NPAS3: variants seen among roughly 807,000 people sequenced by gnomAD.
NPAS3 encodes the protein neuronal PAS domain-containing protein 3.
A neutral mutation model predicts 73.1 loss-of-function variants in NPAS3; 14 were observed. That is an observed-to-expected ratio of 0.19 (90% CI 0.13 to 0.30). The LOEUF (loss-of-function observed/expected upper bound fraction) is 0.30, where lower values mean the gene tolerates loss of function less well. Among genes scored for constraint, NPAS3 ranks in the 10% least tolerant of loss-of-function variants. The pLI is 1.00. For synonymous variants in NPAS3, 620 were observed against 541.5 expected, an observed-to-expected ratio of 1.14 and a Z score of -2.01; for missense variants, 1,096 against 1,250.0, an observed-to-expected ratio of 0.88 and a Z score of 1.86.
At chr14:33,746,420 CTCA>C (rs1273067868) in intron 7 of NPAS3, among the ~76,000 whole-genome samples, 1 of 151,600 alleles carries the variant, frequency 6.6e-6, no homozygotes, top group African/African-American at 2.4e-5. Flanking sequence ...AACTCCTGAC[CTCA>C]TGATCCGCCC....
chr14:33,197,521 T>G (rs4981180), intron 2 of NPAS3, among the ~76,000 whole-genome samples: 2 of 151,636 alleles, frequency 1.3e-5, no homozygotes, highest in Non-Finnish European at 2.9e-5. Flanking sequence ...GAGCATATTG[T>G]CAGAAAAAAA....
chr14:33,216,956 T>A (rs2047245766), intron 3 of NPAS3, among the ~76,000 whole-genome samples: 1 of 152,010 alleles, frequency 6.6e-6, no homozygotes, highest in South Asian at 2.1e-4. Context: ...CACCAATTCA[T>A]GTTCTAGATT....
intron 2 of NPAS3, among the ~76,000 whole-genome samples, chr14:33,068,820 A>G (rs1374077527): frequency 6.6e-6 from 1 of 152,174 alleles, no homozygotes; most frequent in Non-Finnish European, 1.5e-5. Context: ...GACAACCACT[A>G]CAAAGGCGCT....
chr14:33,111,758 C>G (rs1413834910), intron 2 of NPAS3, among the ~76,000 whole-genome samples: 1 of 151,354 alleles, frequency 6.6e-6, no homozygotes, highest in African/African-American at 2.4e-5. Context: ...GTGTGTTGCA[C>G]CCGTTAACTC....
At chr14:33,613,175 A>AT (rs2057803742) in intron 5 of NPAS3, among the ~76,000 whole-genome samples, 1 of 152,176 alleles carries the variant, frequency 6.6e-6, no homozygotes, top group Non-Finnish European at 1.5e-5. Flanking sequence ...CACACAGCTC[A>AT]TCAAATGGGC....
intron 1 of NPAS3, among the ~76,000 whole-genome samples, chr14:33,055,037 G>A (rs980072933): frequency 4.6e-5 from 7 of 152,180 alleles, no homozygotes; most frequent in African/African-American, 7.2e-5. Flanking sequence ...GTATTAGAGC[G>A]AAAGGATTGG....
At chr14:33,454,539 G>A (rs1446424575) in intron 4 of NPAS3, among the ~76,000 whole-genome samples, 1 of 152,166 alleles carries the variant, frequency 6.6e-6, no homozygotes, top group Non-Finnish European at 1.5e-5. Context: ...AGTGTTGGTG[G>A]TTATTGTTGT....
chr14:33,258,899 C>T (rs368203561), intron 3 of NPAS3, among the ~76,000 whole-genome samples: 16 of 152,226 alleles, frequency 1.1e-4, no homozygotes, highest in African/African-American at 2.6e-4. Flanking sequence ...CTGCAAGCTC[C>T]GCCTCCCGGG....
intron 2 of NPAS3, among the ~76,000 whole-genome samples, chr14:33,086,159 T>C (rs1441712874): frequency 6.6e-6 from 1 of 152,198 alleles, no homozygotes; most frequent in Non-Finnish European, 1.5e-5. Flanking sequence ...TAATGGGCAT[T>C]GGAAGCTTTA....
At chr14:33,534,399 T>C (rs2054172268) in intron 4 of NPAS3, among the ~76,000 whole-genome samples, 3 of 152,088 alleles carry the variant, frequency 2.0e-5, no homozygotes, top group South Asian at 2.1e-4. Flanking sequence ...TTTCTTTACA[T>C]TGGGAGTCAG....
chr14:33,260,231 G>A (rs777792317), intron 3 of NPAS3, among the ~76,000 whole-genome samples: 7 of 152,050 alleles, frequency 4.6e-5, no homozygotes, highest in Admixed American at 1.3e-4. Flanking sequence ...CCTTGATAGA[G>A]TAAACTTAGA....
At chr14:33,355,426 A>G (rs12893977) in intron 3 of NPAS3, among the ~76,000 whole-genome samples, 58,116 of 151,794 alleles carry the variant, frequency 0.38, 11,313 homozygotes, top group Admixed American at 0.46. Flanking sequence ...TCAGCCTCCC[A>G]AGTAGCCGGG....
chr14:33,257,079 C>A lies in NPAS3; in HGVS notation c.385+41653C>A, dbSNP rs371668672. The stretch of plus-strand genomic sequence containing the variant: ...ACTCCTGGTTAGCTGACTTTCTTTC[C>A]CACTGGGCGCCACTCCCAGACATGA... On this transcript the variant is annotated intron_variant, in intron 3 of 11. Transcript: ENST00000356141. Among the ~76,000 whole-genome samples the A allele has an allele frequency of 2.6e-5, 4 of 152,228 alleles. No homozygotes were observed. The South Asian group carries it at 8.3e-4, about 32-fold the overall frequency.
At chr14:33,686,436 A>G (rs2060090995) in intron 6 of NPAS3, among the ~76,000 whole-genome samples, 1 of 152,240 alleles carries the variant, frequency 6.6e-6, no homozygotes, top group Admixed American at 6.5e-5. Context: ...AAAAAAGTTT[A>G]GAAGGAACCT....
At chr14:33,006,402 AAGG>A (rs1157308725) in intron 1 of NPAS3, among the ~76,000 whole-genome samples, 1 of 152,104 alleles carries the variant, frequency 6.6e-6, no homozygotes, top group Admixed American at 6.5e-5. Context: ...CGGTAGAGAA[AAGG>A]ATTTATTTTT....
intron 3 of NPAS3, among the ~76,000 whole-genome samples, chr14:33,315,160 T>C (rs1018679175): frequency 1.3e-5 from 2 of 151,948 alleles, no homozygotes; most frequent in Admixed American, 6.6e-5. Context: ...GTAAGGAAAA[T>C]GACATCTATG....
At chr14:32,946,366 A>G (rs1381001654) in intron 1 of NPAS3, among the ~76,000 whole-genome samples, 2 of 151,494 alleles carry the variant, frequency 1.3e-5, no homozygotes, top group Non-Finnish European at 2.9e-5. Flanking sequence ...ACACACACAC[A>G]CACACACACA....
intron 4 of NPAS3, among the ~76,000 whole-genome samples, chr14:33,408,699 A>G (rs1383854044): frequency 6.6e-6 from 1 of 152,316 alleles, no homozygotes; most frequent in East Asian, 1.9e-4. Flanking sequence ...GCACTGTCCC[A>G]TACGAACTGC....
intron 1 of NPAS3, among the ~76,000 whole-genome samples, chr14:32,945,015 C>T (rs2036194344): frequency 1.3e-5 from 2 of 152,184 alleles, no homozygotes; most frequent in Admixed American, 1.3e-4. Context: ...GTGCCAGGTA[C>T]AGTACTAAAT....
Sources: allele counts gnomAD v4.1 joint callset (sites outside exome capture counted in the v4.1 genomes callset), GRCh38; gene constraint gnomAD v4.1.1; transcripts MANE v1.5; gene names NCBI Gene and HGNC (gene_info 2026-07-23, HGNC 2026-07-21).